The following B3GALT1 variants were observed in gnomAD, a reference collection of about 807,000 sequenced individuals.
B3GALT1 encodes beta-1,3-galactosyltransferase 1.
In B3GALT1, 10 loss-of-function variants were observed where a neutral mutation model predicts 23.2. The observed-to-expected ratio is 0.43, with a 90% CI of 0.27 to 0.73. The LOEUF (loss-of-function observed/expected upper bound fraction) is 0.73, where lower values mean the gene tolerates loss of function less well. Among genes scored for constraint, B3GALT1 ranks in the 30% least tolerant of loss-of-function variants. B3GALT1 has a pLI of 0.21. For missense variants in B3GALT1, 299 were observed against 405.4 expected, an observed-to-expected ratio of 0.74 and a Z score of 2.25; for synonymous variants, 156 against 141.5, an observed-to-expected ratio of 1.10 and a Z score of -0.73.
intron 1 of B3GALT1, among the ~76,000 whole-genome samples, chr2:167,403,256 A>C (rs1165267336): frequency 3.6e-5 from 2 of 55,154 alleles, no homozygotes; most frequent in African/African-American, 9.8e-5. Context: ...CCCACCTGTG[A>C]GTGAGAACTT....
chr2:167,414,395 A>G (rs1304564552), intron 1 of B3GALT1, among the ~76,000 whole-genome samples: 1 of 152,178 alleles, frequency 6.6e-6, no homozygotes, highest in Non-Finnish European at 1.5e-5. Context: ...GTTCTAATTT[A>G]TAAGGTGCAA....
chr2:167,345,237 A>G (rs963697532), intron 1 of B3GALT1, among the ~76,000 whole-genome samples: 1 of 151,934 alleles, frequency 6.6e-6, no homozygotes, highest in Non-Finnish European at 1.5e-5. Flanking sequence ...GAAGCTTAGC[A>G]TTCTTATGAT....
At chr2:167,462,879 G>A (rs1460700302) in intron 1 of B3GALT1, among the ~76,000 whole-genome samples, 2 of 152,068 alleles carry the variant, frequency 1.3e-5, no homozygotes, top group Admixed American at 6.6e-5. Flanking sequence ...GATACCAAAG[G>A]AAGCACCTTT....
At position 167,293,026 on chromosome 2, in the gene B3GALT1, C is replaced by G. The variant is rs1378739027; in HGVS notation, c.-819C>G. On this transcript the variant is annotated 5_prime_UTR_variant, in exon 1 of 5. Transcript: ENST00000392690. ...AGAGCCATCGCCGGGGAAGCGCAGC[C>G]GGGCTCGGGTGCTTCGGCTGCCGCC... 6.6e-6 allele frequency: 1 copy of G among 151,908 alleles called. No individual in the cohort carries two copies. Among genetic ancestry groups the G allele is most frequent in the Non-Finnish European group, 1.5e-5 (1 of 67,962 alleles). 9.4% of individuals were successfully genotyped at this position (151,908 alleles called of 1,614,324 possible).
intron 2 of B3GALT1, among the ~76,000 whole-genome samples, chr2:167,538,925 G>T (rs564475877): frequency 1.6e-4 from 24 of 152,106 alleles, no homozygotes; most frequent in African/African-American, 5.5e-4. Context: ...TATCTACAAG[G>T]CCTAATTGTA....
intron 3 of B3GALT1, among the ~76,000 whole-genome samples, chr2:167,728,528 CAG>C (rs1687356560): frequency 6.6e-6 from 1 of 152,118 alleles, no homozygotes; most frequent in African/African-American, 2.4e-5. Flanking sequence ...CACAGATAAA[CAG>C]AAACTTTTCT....
chr2:167,567,746 C>T (rs190562839), intron 2 of B3GALT1, among the ~76,000 whole-genome samples: 97 of 152,166 alleles, frequency 6.4e-4, no homozygotes, highest in African/African-American at 2.1e-3. Context: ...CATTATCCCC[C>T]GAAGTCCATA....
At chr2:167,593,731 AAGGTCCCAGC>A (rs1684724179) in intron 2 of B3GALT1, among the ~76,000 whole-genome samples, 1 of 152,222 alleles carries the variant, frequency 6.6e-6, no homozygotes. Flanking sequence ...AAGGGCAGCC[AAGGTCCCAGC>A]CTGGGTGATG....
chr2:167,650,263 T>G (rs1290473514), intron 3 of B3GALT1, among the ~76,000 whole-genome samples: 2 of 148,862 alleles, frequency 1.3e-5, no homozygotes, highest in African/African-American at 2.4e-5. Flanking sequence ...CAGGGACAAA[T>G]GAAATGCAAG....
chr2:167,755,000 T>C (rs1257831379), intron 3 of B3GALT1, among the ~76,000 whole-genome samples: 4 of 152,096 alleles, frequency 2.6e-5, no homozygotes, highest in Non-Finnish European at 4.4e-5. Flanking sequence ...GTGTTTTCAT[T>C]CTTGAGCAGT....
At chr2:167,775,010 T>C (rs1416061829) in intron 3 of B3GALT1, among the ~76,000 whole-genome samples, 3 of 152,208 alleles carry the variant, frequency 2.0e-5, no homozygotes, top group Non-Finnish European at 4.4e-5. Flanking sequence ...ATCACTCCCA[T>C]GTGTAACTTG....
chr2:167,607,464 G>A (rs115543594), intron 2 of B3GALT1, among the ~76,000 whole-genome samples: 4 of 152,122 alleles, frequency 2.6e-5, no homozygotes, highest in East Asian at 3.9e-4. Context: ...TATTACTTAC[G>A]ATCTTACTGC....
At chr2:167,332,824 T>G (rs1019953397) in intron 1 of B3GALT1, among the ~76,000 whole-genome samples, 17 of 152,214 alleles carry the variant, frequency 1.1e-4, no homozygotes, top group Admixed American at 1.0e-3. Context: ...TGTTATCAGT[T>G]AAGCAGTGCT....
At chr2:167,293,559 A>AGTGTGG (rs1696293682) in intron 1 of B3GALT1, among the ~76,000 whole-genome samples, 1 of 151,902 alleles carries the variant, frequency 6.6e-6, no homozygotes, top group Admixed American at 6.5e-5. Context: ...GCATTGTGTG[A>AGTGTGG]GTGTGGATGT....
At chr2:167,838,938 C>G (rs1417395059) in intron 4 of B3GALT1, among the ~76,000 whole-genome samples, 1 of 152,178 alleles carries the variant, frequency 6.6e-6, no homozygotes, top group African/African-American at 2.4e-5. Flanking sequence ...ACGTGATTAT[C>G]TCAATAGATG....
intron 4 of B3GALT1, among the ~76,000 whole-genome samples, chr2:167,834,346 C>T (rs1371364849): frequency 6.6e-6 from 1 of 152,060 alleles, no homozygotes; most frequent in East Asian, 1.9e-4. Flanking sequence ...AAAAAGCAAG[C>T]AGTGTCTGAA....
In B3GALT1 at chr2:167,573,963, G is replaced by A. The variant is rs555217639; in HGVS notation, c.-409-72946G>A. Among the ~76,000 whole-genome samples, 63 of 151,684 alleles carry A rather than the reference G, an allele frequency of 4.2e-4. 1 individual carries two copies. In the South Asian group the frequency reaches 0.012, roughly 29 times the overall value. ...TGCCATATGAATTTATGAAAACAGA[G>A]ATATGTAAGAGTAACAATATGGGAT... On this transcript the variant is annotated intron_variant, in intron 2 of 4. Transcript: ENST00000392690.
chr2:167,461,957 A>T (rs1389708281), intron 1 of B3GALT1, among the ~76,000 whole-genome samples: 2 of 152,198 alleles, frequency 1.3e-5, no homozygotes, highest in African/African-American at 4.8e-5. Context: ...TGGGGGCAAG[A>T]TGCCCTAGTT....
chr2:167,356,755 A>G (rs974149633), intron 1 of B3GALT1, among the ~76,000 whole-genome samples: 1 of 151,942 alleles, frequency 6.6e-6, no homozygotes, highest in African/African-American at 2.4e-5. Context: ...ATATACATAT[A>G]TGTACACACA....
Sources: allele counts gnomAD v4.1 joint callset (sites outside exome capture counted in the v4.1 genomes callset), GRCh38; gene constraint gnomAD v4.1.1; transcripts MANE v1.5; gene names NCBI Gene and HGNC (gene_info 2026-07-23, HGNC 2026-07-21).